Variants in B4GALNT1 observed in about 807,000 individuals in gnomAD.
B4GALNT1 encodes the protein beta-1,4-N-acetyl-galactosaminyltransferase 1, also known as beta-1,4 N-acetylgalactosaminyltransferase 1.
A neutral mutation model predicts 55.2 loss-of-function variants in B4GALNT1; 43 were observed. The ratio of observed to expected loss-of-function variants is 0.78; its 90% CI spans 0.61 to 1.00. B4GALNT1 has a LOEUF of 1.00. B4GALNT1 is among the 50% of genes least tolerant of loss of function. The pLI, the probability that B4GALNT1 is intolerant of heterozygous loss-of-function variation, is 0.00. For synonymous variants in B4GALNT1, 305 were observed against 311.6 expected (o/e 0.98, Z 0.22); for missense variants, 664 against 729.7 (o/e 0.91, Z 1.04).
At chr12:57,627,075 T>G (rs761650972) in intron 10 of B4GALNT1, 114 bp from the exon 11 acceptor site, 5 of 858,974 alleles carry the variant, frequency 5.8e-6, no homozygotes, top group Non-Finnish European at 9.3e-6. Context: ...GGCTTGTTTC[T>G]AAGGACCCTG....
chr12:57,627,040 AG>A, intron 10 of B4GALNT1, 79 bp from the exon 11 acceptor site: 1 of 1,283,334 alleles, frequency 7.8e-7, no homozygotes, highest in African/African-American at 1.5e-5. Flanking sequence ...TCTCAAATTT[AG>A]GGTGTGGAAA....
rs1594974425 is a variant in B4GALNT1 at position 57,625,844 on chromosome 12, G to C, written c.*900C>G. ...GTGGGGACGGAATGAATAGTAGATT[G>C]AAGACCAAATCAGGGAGCCCGGGCT... On this transcript the variant is annotated 3_prime_UTR_variant, in exon 11 of 11. Transcript: ENST00000341156. The C allele has an allele frequency of 5.2e-6, 7 of 1,351,958 alleles. No individual in the cohort carries two copies. In the East Asian group the frequency reaches 1.8e-4, roughly 34 times the overall value. The allele number at this position is 1,351,958 out of a possible 1,614,324, so 83.7% of individuals were successfully genotyped here. A position where few individuals can be genotyped will look rare whatever the true frequency, so the allele number is the denominator to read the frequency against.
chr12:57,624,454 G>C lies in B4GALNT1; in HGVS notation c.*2290C>G. On this transcript the variant is annotated 3_prime_UTR_variant, in exon 11 of 11. Transcript: ENST00000341156. ...TGGATCTCTTTACCCAGCAGTGATG[G>C]CCTGGCTTTTCTTTTGGGCAATCCA... The C allele has an allele frequency of 1.7e-6, 1 of 598,728 alleles. No homozygotes were observed. The highest frequency in any genetic ancestry group is 3.2e-6 in the Non-Finnish European group (1 of 308,044). 37.1% of individuals were successfully genotyped at this position (598,728 alleles called of 1,614,324 possible). A position where few individuals can be genotyped will look rare whatever the true frequency, so the allele number is the denominator to read the frequency against.
chr12:57,632,202 C>T (rs925775962), intron 1 of B4GALNT1, 69 bp from the exon 2 acceptor site: 12 of 1,414,980 alleles, frequency 8.5e-6, no homozygotes, highest in Non-Finnish European at 9.8e-6. Flanking sequence ...GGGCCCTTGG[C>T]CCCCGCGTCC....
At position 57,627,794 on chromosome 12, in the gene B4GALNT1, T is replaced by A; in HGVS notation, c.1208A>T (p.Glu403Val). 1 of 1,598,304 alleles carries A rather than the reference T, an allele frequency of 6.3e-7. No individual in the cohort carries two copies. Among genetic ancestry groups the A allele is most frequent in the Non-Finnish European group, 8.5e-7 (1 of 1,171,690 alleles). The change falls in exon 10 of 11, where the codon GAG becomes GTG. Residue 403 changes from glutamate (E) to valine (V), a missense_variant. Glu to Val is a moderately radical substitution (Grantham distance 121, BLOSUM62 -2). Transcript: ENST00000341156. ...ATTYRQLLSVEPGAPGLGNCL... is the reference protein window; with the variant it reads ...ATTYRQLLSVVPGAPGLGNCL... ...GTTCCCGAGGCCTGGGGCGCCGGGCTCCACGCTCAGCAGCTGCCGATAAGT... is the reference window on the plus strand; with the variant it reads ...GTTCCCGAGGCCTGGGGCGCCGGGCACCACGCTCAGCAGCTGCCGATAAGT...
intron 4 of B4GALNT1, among the ~76,000 whole-genome samples, chr12:57,630,731 C>T (rs539926009): frequency 1.1e-4 from 16 of 152,238 alleles, no homozygotes; most frequent in Non-Finnish European, 5.9e-5. Context: ...CTGACCACCA[C>T]CTAACCAATG....
chr12:57,627,397 AATAT>A (rs1309158394), intron 10 of B4GALNT1, among the ~76,000 whole-genome samples: 1 of 139,742 alleles, frequency 7.2e-6, no homozygotes, highest in Admixed American at 7.1e-5. Flanking sequence ...TATAACAAAA[AATAT>A]ATATATTTAT....
rs1884994278 is a variant in B4GALNT1 at position 57,628,613 on chromosome 12, A to G, written c.1002+100T>C. The G allele has an allele frequency of 1.1e-5, 15 of 1,388,304 alleles. 1 individual carries two copies. In the South Asian group the frequency reaches 1.6e-4, roughly 15 times the overall value. 86.0% of individuals were successfully genotyped at this position (1,388,304 alleles called of 1,614,324 possible). A position where few individuals can be genotyped will look rare whatever the true frequency, so the allele number is the denominator to read the frequency against. ...GCTTAACAGGCACCCCATGATTCTG[A>G]GGCAGGTGGTCCTCGAATCACTACC... is the stretch of plus-strand genomic sequence containing the variant. On this transcript the variant is annotated intron_variant, in intron 8 of 10. Transcript: ENST00000341156.
At position 57,624,926 on chromosome 12, in the gene B4GALNT1, C is replaced by T. The variant is rs141552765; in HGVS notation, c.*1818G>A. The T allele has an allele frequency of 1.8e-4, 295 of 1,614,112 alleles. No individual in the cohort carries two copies. Among genetic ancestry groups the T allele is most frequent in the Middle Eastern group, 6.6e-4 (4 of 6,062 alleles). ...TCCAACACCACTGTACTTTGGGACC[C>T]GTGGGCAGTTTCGCTGCAACCTGGA... On this transcript the variant is annotated 3_prime_UTR_variant, in exon 11 of 11. Transcript: ENST00000341156.
Position 57,632,036 on chromosome 12 carries a change from G to A in B4GALNT1, c.97C>T (p.Leu33Phe). The A allele has an allele frequency of 6.9e-7, 1 of 1,447,856 alleles. No individual in the cohort carries two copies. The highest frequency in any genetic ancestry group is 9.1e-7 in the Non-Finnish European group (1 of 1,099,376). 89.7% of individuals were successfully genotyped at this position (1,447,856 alleles called of 1,614,324 possible). Residue 33 changes from leucine to phenylalanine, a missense_variant, in exon 2 of 11, where the codon CTC (leucine) becomes TTC (phenylalanine). By Grantham distance (22) the Leu-to-Phe change is conservative. Transcript: ENST00000341156. Reference sequence around the variant, plus strand: ...GCCCACGGCGCAAGAGGTAGCCGGAGGCCGGGCGCGTCCCGGGTGCTCGCG... The same window carrying A: ...GCCCACGGCGCAAGAGGTAGCCGGAAGCCGGGCGCGTCCCGGGTGCTCGCG... ...LYASTRDAPG[L>F]RLPLAPWAPP... is the part of the protein sequence containing the mutation.
At position 57,625,419 on chromosome 12, in the gene B4GALNT1, C is replaced by G. The variant is rs151077423; in HGVS notation, c.*1325G>C. 6.2e-7 allele frequency: 1 copy of G among 1,614,138 alleles called. No homozygotes were observed. Among genetic ancestry groups the G allele is most frequent in the Non-Finnish European group, 8.5e-7 (1 of 1,180,026 alleles). On this transcript the variant is annotated 3_prime_UTR_variant, in exon 11 of 11. Coordinates refer to ENST00000341156, the MANE Select transcript of B4GALNT1 (RefSeq NM_001478.5). The stretch of plus-strand genomic sequence containing the variant: ...TGCCCCATCCCTGCAGCTGGCCAGC[C>G]GATGTCGAGATGCTAGGATCCGCCT...
Position 57,630,235 on chromosome 12 carries a change from C to A in B4GALNT1, c.629G>T (p.Ser210Ile). 6.2e-7 allele frequency: 1 copy of A among 1,614,246 alleles called. No homozygotes were observed. The highest frequency in any genetic ancestry group is 8.5e-7 in the Non-Finnish European group (1 of 1,180,034). ...CCTGTTGAGTTGGTCCAGCCCTGGGCTGACAAGGGTGAGATCTGCCTGACC... is the reference window on the plus strand; with the variant it reads ...CCTGTTGAGTTGGTCCAGCCCTGGGATGACAAGGGTGAGATCTGCCTGACC... Reference protein sequence around the residue: ...GEGQADLTLVSPGLDQLNRQL... With the variant: ...GEGQADLTLVIPGLDQLNRQL... The change falls in exon 6 of 11, where the codon AGC (serine) becomes ATC (isoleucine). Residue 210 changes from serine to isoleucine, a missense_variant. Ser to Ile is a moderately radical substitution (Grantham distance 142, BLOSUM62 -2). Transcript: ENST00000341156.
In B4GALNT1 at chr12:57,631,258, C is replaced by T. The variant is rs1439692337; in HGVS notation, c.325G>A (p.Ala109Thr). ...AIDLTKAFDP[A>T]ELRAASATRE... ...GTGGCAGAGGCAGCCCTCAGCTCTG[C>T]AGGGTCAAAGGCCTTGGTGAGGTCA... The change falls in exon 3 of 11, where the codon GCA becomes ACA. Residue 109 changes from alanine to threonine, a missense_variant. Transcript: ENST00000341156. 1 of 1,614,084 alleles carries T rather than the reference C, an allele frequency of 6.2e-7. No homozygotes were observed.
chr12:57,633,152 G>C lies in B4GALNT1; in HGVS notation c.-382C>G, dbSNP rs1458806537. On this transcript the variant is annotated 5_prime_UTR_variant, in exon 1 of 11. Coordinates refer to ENST00000341156, the MANE Select transcript of B4GALNT1 (RefSeq NM_001478.5). The stretch of plus-strand genomic sequence containing the variant: ...GGCTCTTCGCACCGCAGCGCAGCGC[G>C]GCTCAGCTCCCGGCTCGTTGCGGCT... The C allele has an allele frequency of 6.6e-6, 1 of 152,260 alleles. No homozygotes were observed. The highest frequency in any genetic ancestry group is 2.4e-5 in the African/African-American group (1 of 41,468). 9.4% of individuals were successfully genotyped at this position (152,260 alleles called of 1,614,324 possible).
At position 57,633,191 on chromosome 12, in the gene B4GALNT1, G is replaced by C. The variant is rs1345395534; in HGVS notation, c.-421C>G. The C allele has an allele frequency of 2.0e-5, 3 of 152,214 alleles. No homozygotes were observed. Among genetic ancestry groups the C allele is most frequent in the Admixed American group, 6.5e-5 (1 of 15,292 alleles). The allele number at this position is 152,214 out of a possible 1,614,324, so 9.4% of individuals were successfully genotyped here. On this transcript the variant is annotated 5_prime_UTR_variant, in exon 1 of 11. Transcript: ENST00000341156. The stretch of plus-strand genomic sequence containing the variant: ...CTCGTTGCGGCTGCTTCGGCTCCGC[G>C]CGGGGAATGCGAGCGCCCCGGCGCC...
In B4GALNT1 at chr12:57,630,300, G is replaced by A. The variant is rs914068106; in HGVS notation, c.564C>T (p.Asp188=). The change falls in exon 6 of 11, where the codon GAC becomes GAT. Residue 188 remains aspartate, a synonymous_variant. Transcript: ENST00000341156. ...TAACTCCAGTCACTTCCCCTGCCAC[G>A]TCCCAGGTGCCTAGGGAGGCAGTCA... The part of the protein sequence containing the change: ...VNLTASLGTW[D]VAGEVTGVTL... The A allele has an allele frequency of 4.3e-6, 7 of 1,614,024 alleles. No homozygotes were observed. The highest frequency in any genetic ancestry group is 2.2e-5 in the East Asian group (1 of 44,898).
Position 57,626,528 on chromosome 12 carries a change from AG to A in B4GALNT1, c.*215del, listed in dbSNP as rs1884819322. ...GAGGACTTGGCACTGGCTGTGGGAG[AG>A]GTTATGGCTCCACCAGGCCTCTGGG... On this transcript the variant is annotated 3_prime_UTR_variant, in exon 11 of 11. Coordinates refer to ENST00000341156, the MANE Select transcript of B4GALNT1 (RefSeq NM_001478.5). 1.7e-6 allele frequency: 1 copy of A among 581,714 alleles called. No individual in the cohort carries two copies. Among genetic ancestry groups the A allele is most frequent in the East Asian group, 2.9e-5 (1 of 34,350 alleles). 36.0% of individuals were successfully genotyped at this position (581,714 alleles called of 1,614,324 possible). A position where few individuals can be genotyped will look rare whatever the true frequency, so the allele number is the denominator to read the frequency against.
At position 57,628,733 on chromosome 12, in the gene B4GALNT1, A is replaced by G. The variant is rs1565739790; in HGVS notation, c.982T>C (p.Tyr328His). The change falls in exon 8 of 11, where the codon TAT (tyrosine) becomes CAT (histidine). Residue 328 changes from tyrosine to histidine, a missense_variant. Physicochemically the swap from Tyr to His is moderately conservative, Grantham distance 83. Transcript: ENST00000341156. The part of the protein sequence containing the change: ...ERVSGPYVEH[Y>H]LMPFGKGWFA... ...CACACCTTGCCGAAGGGCATGAGAT[A>G]GTGTTCCACGTAGGGGCCACTAACG... 6.2e-7 allele frequency: 1 copy of G among 1,614,218 alleles called. No homozygotes were observed. Among genetic ancestry groups the G allele is most frequent in the East Asian group, 2.2e-5 (1 of 44,880 alleles).
Position 57,626,169 on chromosome 12 carries a change from T to G in B4GALNT1, c.*575A>C, listed in dbSNP as rs917699135. The G allele has an allele frequency of 6.9e-5, 12 of 173,794 alleles. No individual in the cohort carries two copies. The highest frequency in any genetic ancestry group is 9.9e-5 in the Non-Finnish European group (8 of 80,994). 10.8% of individuals were successfully genotyped at this position (173,794 alleles called of 1,614,324 possible). Reference sequence around the variant, plus strand: ...GGAATCCATGAAGTGAGTCTAGGTGTTTGCACAGGGACTCTGGTGCCCCTT... The same window carrying G: ...GGAATCCATGAAGTGAGTCTAGGTGGTTGCACAGGGACTCTGGTGCCCCTT... On this transcript the variant is annotated 3_prime_UTR_variant, in exon 11 of 11. Coordinates refer to ENST00000341156, the MANE Select transcript of B4GALNT1 (RefSeq NM_001478.5).
Sources: gnomAD v4.1 joint callset for allele counts (sites outside exome capture counted in the v4.1 genomes callset) on GRCh38, gnomAD v4.1.1 for gene constraint, MANE v1.5 for transcripts, NCBI Gene and HGNC (gene_info 2026-07-23, HGNC 2026-07-21) for gene names.